The following PPP2R2C variants were observed in gnomAD, a reference collection of about 807,000 sequenced individuals.
PPP2R2C encodes protein phosphatase 2, regulatory subunit B, gamma.
A neutral mutation model predicts 45.3 loss-of-function variants in PPP2R2C; 10 were observed. The ratio of observed to expected loss-of-function variants is 0.22; its 90% confidence interval spans 0.14 to 0.37. PPP2R2C has a LOEUF of 0.37. Among genes scored for constraint, PPP2R2C ranks in the 10% least tolerant of loss-of-function variants. PPP2R2C has a pLI of 1.00. For synonymous variants in PPP2R2C, 257 were observed against 245.4 expected, an observed-to-expected ratio of 1.05 and a Z score of -0.44; for missense variants, 308 against 619.7, an observed-to-expected ratio of 0.50 and a Z score of 5.34.
At chr4:6,340,274 C>T (rs1002676594) in intron 6 of PPP2R2C, among the ~76,000 whole-genome samples, 1 of 152,148 alleles carries the variant, frequency 6.6e-6, no homozygotes, top group East Asian at 1.9e-4. Context: ...CGGGTCCTGA[C>T]GTCAGCCAGG....
rs1475193065 is a variant in PPP2R2C at position 6,336,927 on chromosome 4, C to T, written c.791-3196G>A. Among the ~76,000 whole-genome samples the T allele has an allele frequency of 3.9e-5, 3 of 77,698 alleles. No individual in the cohort carries two copies. The Admixed American group carries it at 4.8e-4, about 12-fold the overall frequency. 51.0% of individuals were successfully genotyped at this position (77,698 alleles called of 152,430 possible). A position where few individuals can be genotyped will look rare whatever the true frequency, so the allele number is the denominator to read the frequency against. Reference sequence around the variant, plus strand: ...TCCCTCCTTCCTTCCCTCCCTCCCTCCTGTGAGCCCTCCAACCCCTCCCTG... The same window carrying T: ...TCCCTCCTTCCTTCCCTCCCTCCCTTCTGTGAGCCCTCCAACCCCTCCCTG... On this transcript the variant is annotated intron_variant, in intron 6 of 8. Coordinates refer to ENST00000382599, the MANE Select transcript of PPP2R2C (RefSeq NM_020416.4).
intron 2 of PPP2R2C, among the ~76,000 whole-genome samples, chr4:6,494,576 C>G (rs1461854494): frequency 2.0e-5 from 3 of 152,224 alleles, no homozygotes; most frequent in Admixed American, 6.5e-5. Flanking sequence ...GGGAGTGACA[C>G]AAACCCAGCC....
chr4:6,552,170 T>C (rs1334061244), intron 1 of PPP2R2C, among the ~76,000 whole-genome samples: 1 of 152,264 alleles, frequency 6.6e-6, no homozygotes, highest in Non-Finnish European at 1.5e-5. Flanking sequence ...TGCTCTGAAA[T>C]GCAGGCAGTC....
intron 5 of PPP2R2C, among the ~76,000 whole-genome samples, chr4:6,366,908 G>A (rs546189652): frequency 9.9e-5 from 15 of 152,250 alleles, no homozygotes; most frequent in East Asian, 5.8e-4. Flanking sequence ...AGAGTTTTAA[G>A]GGGGGCTGAC....
intron 1 of PPP2R2C, among the ~76,000 whole-genome samples, chr4:6,404,398 C>T (rs1334278157): frequency 6.6e-6 from 1 of 152,210 alleles, no homozygotes; most frequent in East Asian, 1.9e-4. Flanking sequence ...TCGCCAGAGG[C>T]ATGGAAACCC....
intron 6 of PPP2R2C, among the ~76,000 whole-genome samples, chr4:6,336,500 T>C (rs1732863344): frequency 6.6e-6 from 1 of 151,866 alleles, no homozygotes; most frequent in Non-Finnish European, 1.5e-5. Flanking sequence ...AGGGCGCTTT[T>C]CAGGAAGGGG....
At chr4:6,339,438 C>A (rs1733272628) in intron 6 of PPP2R2C, among the ~76,000 whole-genome samples, 1 of 152,262 alleles carries the variant, frequency 6.6e-6, no homozygotes, top group African/African-American at 2.4e-5. Context: ...GGTTCCACTG[C>A]AGTTTCCAGG....
chr4:6,486,125 C>A (rs1293025411), intron 2 of PPP2R2C, among the ~76,000 whole-genome samples: 2 of 151,922 alleles, frequency 1.3e-5, no homozygotes, highest in Non-Finnish European at 2.9e-5. Context: ...TCTAATTTCC[C>A]TTTCTTGGAC....
intron 1 of PPP2R2C, chr4:6,382,732 G>C (rs1715940742): frequency 4.0e-6 from 2 of 501,550 alleles, no homozygotes; most frequent in Non-Finnish European, 3.0e-6. Flanking sequence ...ATCCAATCCT[G>C]CCTGCTCAGC....
intron 2 of PPP2R2C, among the ~76,000 whole-genome samples, chr4:6,521,161 C>G (rs1439313688): frequency 6.6e-6 from 1 of 152,178 alleles, no homozygotes; most frequent in African/African-American, 2.4e-5. Context: ...GGGTGCCCAC[C>G]ACTGCATGTT....
intron 5 of PPP2R2C, among the ~76,000 whole-genome samples, chr4:6,361,730 A>G (rs1276127329): frequency 6.6e-6 from 1 of 152,248 alleles, no homozygotes; most frequent in Admixed American, 6.5e-5. Context: ...GTTTCCAAGA[A>G]CTGAGAGGGG....
intron 1 of PPP2R2C, among the ~76,000 whole-genome samples, chr4:6,443,274 T>A (rs944208255): frequency 2.6e-5 from 4 of 152,222 alleles, no homozygotes; most frequent in African/African-American, 9.6e-5. Flanking sequence ...TTAATAGGAT[T>A]AGTGTCATCT....
upstream of PPP2R2C, among the ~76,000 whole-genome samples, chr4:6,473,258 A>G (rs1197346915): frequency 6.6e-6 from 1 of 152,204 alleles, no homozygotes; most frequent in East Asian, 1.9e-4. Flanking sequence ...AGGTACCTCC[A>G]AAACCAGGCT....
rs1715741008 is a variant in PPP2R2C at position 6,380,986 on chromosome 4, G to A, written c.168+11C>T. Reference sequence around the variant, plus strand: ...CCCCTCCCACCTCCCACCAGACCCAGGGCTTCGCACCTCTGGTTCCCGCTG... The same window carrying A: ...CCCCTCCCACCTCCCACCAGACCCAAGGCTTCGCACCTCTGGTTCCCGCTG... On this transcript the variant is annotated intron_variant, in intron 2 of 8. Coordinates refer to ENST00000382599, the MANE Select transcript of PPP2R2C (RefSeq NM_020416.4). 6.8e-7 allele frequency: 1 copy of A among 1,464,172 alleles called. No individual in the cohort carries two copies. The highest frequency in any genetic ancestry group is 2.1e-5 in the Admixed American group (1 of 47,728). 90.7% of individuals were successfully genotyped at this position (1,464,172 alleles called of 1,614,324 possible).
In PPP2R2C at chr4:6,494,647, C is replaced by T. The variant is rs1044668658; in HGVS notation, c.49+40624G>A. ...GCAAGCACCCAGGGCACCAAGCACA[C>T]GCGGCACGCCGTCCAGGTGGGAGCC... On this transcript the variant is annotated intron_variant, in intron 2 of 9. Transcript: ENST00000506140. Among the ~76,000 whole-genome samples the T allele has an allele frequency of 3.9e-5, 6 of 152,260 alleles. No individual in the cohort carries two copies. In the East Asian group the frequency reaches 5.8e-4, roughly 15 times the overall value.
Position 6,345,084 on chromosome 4 carries a change from T to C in PPP2R2C, c.790+2762A>G, listed in dbSNP as rs1711712955. 6.6e-6 allele frequency among the ~76,000 whole-genome samples: 1 copy of C among 152,236 alleles called. No individual in the cohort carries two copies. Among genetic ancestry groups the C allele is most frequent in the African/African-American group, 2.4e-5 (1 of 41,450 alleles). On this transcript the variant is annotated intron_variant, in intron 6 of 8. Coordinates refer to ENST00000382599, the MANE Select transcript of PPP2R2C (RefSeq NM_020416.4). This position sits in a 1 kb window ranked among gnomAD's most constrained non-coding sequence, Gnocchi z 5.3. ...AGTTGAATAATCTTAGCATTTAAGA[T>C]TGGGATATTGAGGATGTTTCTGGAT... is the stretch of plus-strand genomic sequence containing the variant.
chr4:6,335,175 C>G (rs1312172093), intron 6 of PPP2R2C, among the ~76,000 whole-genome samples: 3 of 152,232 alleles, frequency 2.0e-5, no homozygotes, highest in Non-Finnish European at 4.4e-5. Flanking sequence ...GCCACTGTTC[C>G]TGTGCAGCCA....
intron 5 of PPP2R2C, chr4:6,350,655 T>G (rs1160375526): frequency 2.6e-5 from 23 of 877,310 alleles, no homozygotes; most frequent in Non-Finnish European, 2.7e-5. Context: ...TCTCTGAACA[T>G]TCCAGGTTCT....
intron 1 of PPP2R2C, among the ~76,000 whole-genome samples, chr4:6,443,282 T>C (rs1039840723): frequency 6.6e-6 from 1 of 152,228 alleles, no homozygotes; most frequent in Non-Finnish European, 1.5e-5. Context: ...ATTAGTGTCA[T>C]CTCTGAAAAC....
Sources: allele counts gnomAD v4.1 joint callset (sites outside exome capture counted in the v4.1 genomes callset), GRCh38; gene constraint gnomAD v4.1.1; non-coding constraint Gnocchi (gnomAD v3.1); transcripts MANE v1.5; gene names NCBI Gene and HGNC (gene_info 2026-07-23, HGNC 2026-07-21).